CAMTA1: variants seen among roughly 807,000 people sequenced by gnomAD.
The protein encoded by CAMTA1 is calmodulin binding transcription activator 1, also known as calmodulin-binding transcription activator 1.
CAMTA1 carries 27 observed loss-of-function variants against 170.9 expected under a neutral mutation model. The observed-to-expected ratio is 0.16, with a 90% CI of 0.12 to 0.22. CAMTA1 has a LOEUF of 0.22. CAMTA1 is among the 10% of genes least tolerant of loss of function. The probability of loss-of-function intolerance (pLI) is 1.00; values close to 1 mark genes in which losing one functional copy is unlikely to be tolerated. For missense variants in CAMTA1, 1,619 were observed against 2,217.2 expected (o/e 0.73, Z 5.42); for synonymous variants, 833 against 891.5 (o/e 0.93, Z 1.17).
At chr1:7,349,363 G>A (rs543504281) in intron 5 of CAMTA1, among the ~76,000 whole-genome samples, 18 of 152,224 alleles carry the variant, frequency 1.2e-4, no homozygotes, top group African/African-American at 3.1e-4. Flanking sequence ...ACCTCTAGCC[G>A]CTTTCTGGGG....
In CAMTA1 at chr1:7,635,027, C is replaced by T. The variant is rs969080919; in HGVS notation, c.511-5373C>T. ...TGAGACTTTTACTTATCCTTGGCTT[C>T]CTCTACCACCACCACAGTCACAGAC... On this transcript the variant is annotated intron_variant, in intron 6 of 22. Coordinates refer to ENST00000303635, the MANE Select transcript of CAMTA1 (RefSeq NM_015215.4). This position sits in a 1 kb window ranked among gnomAD's most constrained non-coding sequence, Gnocchi z 4.4. Among the ~76,000 whole-genome samples, 1 of 152,196 alleles carries T rather than the reference C, an allele frequency of 6.6e-6. No homozygotes were observed. Among genetic ancestry groups the T allele is most frequent in the African/African-American group, 2.4e-5 (1 of 41,454 alleles).
chr1:7,154,446 C>G (rs1325396335), intron 4 of CAMTA1, among the ~76,000 whole-genome samples: 1 of 152,296 alleles, frequency 6.6e-6, no homozygotes, highest in Non-Finnish European at 1.5e-5. Flanking sequence ...TCCTCTGTCC[C>G]CTTTCCAACC....
chr1:6,820,668 G>A (rs190008699), intron 2 of CAMTA1, among the ~76,000 whole-genome samples: 1 of 152,156 alleles, frequency 6.6e-6, no homozygotes, highest in Non-Finnish European at 1.5e-5. Context: ...TGAGCCTCAT[G>A]TTCCTCCTCT....
At chr1:7,231,327 A>ATGTGTGTGTGTGTGTGTGTGTGTG (rs745744631) in intron 4 of CAMTA1, among the ~76,000 whole-genome samples, 4 of 141,986 alleles carry the variant, frequency 2.8e-5, no homozygotes, top group East Asian at 2.1e-4. Context: ...TACTGGCTTA[A>ATGTGTGTGTGTGTGTGTGTGTGTG]TGTGTGTGTG....
chr1:7,237,779 G>A (rs1038997146), intron 4 of CAMTA1, among the ~76,000 whole-genome samples: 47 of 152,136 alleles, frequency 3.1e-4, no homozygotes, highest in Non-Finnish European at 4.4e-4. Context: ...TGGGTTTGCC[G>A]GCTACACCTT....
intron 5 of CAMTA1, among the ~76,000 whole-genome samples, chr1:7,403,129 G>A (rs980837174): frequency 1.2e-4 from 18 of 152,150 alleles, no homozygotes; most frequent in African/African-American, 4.3e-4. Flanking sequence ...TAGGTGGGGG[G>A]ATCAGCTGAG....
chr1:7,644,307 GA>G (rs890304844), intron 7 of CAMTA1, among the ~76,000 whole-genome samples: 2 of 151,878 alleles, frequency 1.3e-5, no homozygotes, highest in Admixed American at 1.3e-4. Context: ...TCCTTCAGAT[GA>G]AAAAAAACAC....
intron 4 of CAMTA1, among the ~76,000 whole-genome samples, chr1:7,117,637 C>T (rs1327648599): frequency 6.6e-6 from 1 of 152,198 alleles, no homozygotes; most frequent in Non-Finnish European, 1.5e-5. Context: ...GACTCTAGCA[C>T]ACCACTGCCT....
At chr1:7,061,275 C>T (rs991308329) in intron 3 of CAMTA1, among the ~76,000 whole-genome samples, 4 of 152,226 alleles carry the variant, frequency 2.6e-5, no homozygotes, top group Admixed American at 6.5e-5. Context: ...AGAGCAGAGC[C>T]GCTCACCCTT....
chr1:6,912,893 A>G lies in CAMTA1; in HGVS notation c.234+87683A>G, dbSNP rs144676270. Among the ~76,000 whole-genome samples the G allele has an allele frequency of 3.4e-3, 516 of 152,330 alleles. 4 individuals carry two copies. Among genetic ancestry groups the G allele is most frequent in the African/African-American group, 0.011 (452 of 41,582 alleles). On this transcript the variant is annotated intron_variant, in intron 3 of 22. Transcript: ENST00000303635. ...ACTGTGTGGGGAGGGAAGCTTGGGCACCAGGAGGTTGTGTGGCCAGTCACA... is the reference window on the plus strand; with the variant it reads ...ACTGTGTGGGGAGGGAAGCTTGGGCGCCAGGAGGTTGTGTGGCCAGTCACA...
chr1:7,751,129 A>G lies in CAMTA1; in HGVS notation c.4690-70A>G, dbSNP rs557715570. On this transcript the variant is annotated intron_variant, in intron 19 of 22. Transcript: ENST00000303635. ...CATTTTCTCTTCTTCCCTTCCCGGT[A>G]AGCTCGAAGGACGCTGAGCCCGTGC... 200 of 1,215,544 alleles carry G rather than the reference A, an allele frequency of 1.6e-4. 4 individuals carry two copies. In the South Asian group the frequency reaches 2.7e-3, roughly 16 times the overall value. 75.3% of individuals were successfully genotyped at this position (1,215,544 alleles called of 1,614,324 possible). A position where few individuals can be genotyped will look rare whatever the true frequency, so the allele number is the denominator to read the frequency against.
At chr1:7,568,725 A>T (rs111161918) in intron 6 of CAMTA1, among the ~76,000 whole-genome samples, 4 of 133,784 alleles carry the variant, frequency 3.0e-5, no homozygotes, top group East Asian at 2.4e-4. Context: ...CCACCATCCA[A>T]CATCAACATC....
chr1:7,503,740 C>T lies in CAMTA1; in HGVS notation c.510+35839C>T, dbSNP rs115779345. On this transcript the variant is annotated intron_variant, in intron 6 of 22. Transcript: ENST00000303635. ...GCTCGATTCTTAGATGTGTGGCCCTCGGGAGGTGGGGGGAGCCTCCTGTTT... is the reference window on the plus strand; with the variant it reads ...GCTCGATTCTTAGATGTGTGGCCCTTGGGAGGTGGGGGGAGCCTCCTGTTT... Among the ~76,000 whole-genome samples, 341 of 152,300 alleles carry T rather than the reference C, an allele frequency of 2.2e-3. 2 individuals carry two copies. The highest frequency in any genetic ancestry group is 7.6e-3 in the African/African-American group (314 of 41,572).
At chr1:6,902,453 A>G (rs1677329482) in intron 3 of CAMTA1, among the ~76,000 whole-genome samples, 1 of 152,238 alleles carries the variant, frequency 6.6e-6, no homozygotes, top group Admixed American at 6.5e-5. Flanking sequence ...AGCCAGACTC[A>G]AAAGGCCTGA....
rs773065407 is a variant in CAMTA1 at position 7,755,709 on chromosome 1, A to G, written c.4989+41A>G. Reference sequence around the variant, plus strand: ...TGCTAGCCAGTTTCTCTTCTCTTCCATTTTCAGTATTTTGCTTTTTGCTTG... The same window carrying G: ...TGCTAGCCAGTTTCTCTTCTCTTCCGTTTTCAGTATTTTGCTTTTTGCTTG... On this transcript the variant is annotated intron_variant, in intron 22 of 22. Coordinates refer to ENST00000303635, the MANE Select transcript of CAMTA1 (RefSeq NM_015215.4). 5 of 1,592,630 alleles carry G rather than the reference A, an allele frequency of 3.1e-6. No homozygotes were observed. The East Asian group carries it at 8.9e-5, about 28-fold the overall frequency.
intron 3 of CAMTA1, among the ~76,000 whole-genome samples, chr1:7,062,738 C>T (rs1466824560): frequency 6.6e-6 from 1 of 152,212 alleles, no homozygotes; most frequent in Non-Finnish European, 1.5e-5. Flanking sequence ...TCATAGTTCC[C>T]GAGGCCCGAC....
At position 7,443,195 on chromosome 1, in the gene CAMTA1, AT is replaced by A. The variant is rs2092592373; in HGVS notation, c.439-24634del. Among the ~76,000 whole-genome samples, 1 of 152,242 alleles carries A rather than the reference AT, an allele frequency of 6.6e-6. No individual in the cohort carries two copies. The highest frequency in any genetic ancestry group is 2.1e-4 in the South Asian group (1 of 4,830). ...CTTCGGGTTCCCAGCTCAGTCACAC[AT>A]AAGCTTCATACCCTAGACGTGTATG... On this transcript the variant is annotated intron_variant, in intron 5 of 22. Coordinates refer to ENST00000303635, the MANE Select transcript of CAMTA1 (RefSeq NM_015215.4). The surrounding 1 kb of genome is among the most constrained non-coding windows in gnomAD (Gnocchi z 4.1).
At chr1:7,039,950 A>ATT (rs558348373) in intron 3 of CAMTA1, among the ~76,000 whole-genome samples, 4 of 143,844 alleles carry the variant, frequency 2.8e-5, no homozygotes, top group African/African-American at 5.1e-5. Flanking sequence ...GTGGCAAAAC[A>ATT]TTTTTTTTTT....
intron 3 of CAMTA1, among the ~76,000 whole-genome samples, chr1:7,016,430 A>G (rs930388218): frequency 8.3e-4 from 127 of 152,376 alleles, no homozygotes; most frequent in African/African-American, 2.7e-3. Flanking sequence ...CGAATGGGTG[A>G]ATGAATGGAC....
Sources: allele counts gnomAD v4.1 joint callset (sites outside exome capture counted in the v4.1 genomes callset), GRCh38; gene constraint gnomAD v4.1.1; non-coding constraint Gnocchi (gnomAD v3.1); transcripts MANE v1.5; gene names NCBI Gene and HGNC (gene_info 2026-07-23, HGNC 2026-07-21).